Variants in ZNHIT6 observed in about 807,000 individuals in gnomAD.
ZNHIT6 encodes box C/D snoRNA protein 1.
A neutral mutation model predicts 57.2 loss-of-function variants in ZNHIT6; 45 were observed. That is an observed-to-expected ratio of 0.79 (90% confidence interval 0.62 to 1.01). The LOEUF is 1.01. ZNHIT6 is among the 50% of genes least tolerant of loss of function. The pLI, the probability that ZNHIT6 is intolerant of heterozygous loss-of-function variation, is 0.00. For synonymous variants in ZNHIT6, 188 were observed against 190.0 expected (o/e 0.99, Z 0.09); for missense variants, 528 against 567.3 (o/e 0.93, Z 0.70).
At chr1:85,656,387 A>G (rs552265486) in intron 9 of ZNHIT6, among the ~76,000 whole-genome samples, 2 of 152,170 alleles carry the variant, frequency 1.3e-5, no homozygotes, top group Admixed American at 6.5e-5. Context: ...ATTTTACTCA[A>G]TAAGGCTCCC....
intron 7 of ZNHIT6, among the ~76,000 whole-genome samples, chr1:85,677,966 A>T (rs1661754673): frequency 1.3e-5 from 2 of 152,090 alleles, no homozygotes; most frequent in South Asian, 4.1e-4. Context: ...TGTACTAGGA[A>T]TTTCATATAT....
chr1:85,660,866 A>G (rs912850067), intron 8 of ZNHIT6, among the ~76,000 whole-genome samples: 1 of 152,178 alleles, frequency 6.6e-6, no homozygotes, highest in African/African-American at 2.4e-5. Context: ...ATGCAATGAA[A>G]ATCTGGTATG....
At chr1:85,658,087 A>C (rs1043276974) in intron 8 of ZNHIT6, 116 bp from the exon 9 acceptor site, 1 of 638,690 alleles carries the variant, frequency 1.6e-6, no homozygotes. Flanking sequence ...ATGACAATTC[A>C]GTAGTTACTT....
At chr1:85,661,386 A>T (rs975240602) in intron 8 of ZNHIT6, among the ~76,000 whole-genome samples, 1 of 152,226 alleles carries the variant, frequency 6.6e-6, no homozygotes, top group South Asian at 2.1e-4. Context: ...GGGCTAAATG[A>T]TAAAACACAG....
In ZNHIT6 at chr1:85,678,764, G is replaced by T; in HGVS notation, c.1106C>A (p.Thr369Asn). Residue 369 changes from threonine (T) to asparagine (N), a missense_variant, in exon 7 of 10, where the codon ACT becomes AAT. Physicochemically the swap from Thr to Asn is moderately conservative, Grantham distance 65 (BLOSUM62 0). Coordinates refer to ENST00000370574, the MANE Select transcript of ZNHIT6 (RefSeq NM_017953.4). ...YIEKRVPDDK[T>N]INEILKPYID... is the part of the protein sequence containing the mutation. Reference sequence around the variant, plus strand: ...GTAAGGTTTTAGGATTTCATTAATAGTTTTATCATCTGGTACTCTTTACAA... The same window carrying T: ...GTAAGGTTTTAGGATTTCATTAATATTTTTATCATCTGGTACTCTTTACAA... The T allele has an allele frequency of 6.4e-7, 1 of 1,571,398 alleles. No individual in the cohort carries two copies. The highest frequency in any genetic ancestry group is 2.3e-5 in the East Asian group (1 of 43,552).
At chr1:85,694,121 G>T (rs1662293472) in intron 5 of ZNHIT6, among the ~76,000 whole-genome samples, 3 of 152,190 alleles carry the variant, frequency 2.0e-5, no homozygotes, top group Admixed American at 2.0e-4. Flanking sequence ...TGGGGTGATG[G>T]TAATGTTCTA....
At chr1:85,660,439 A>G (rs1661193729) in intron 8 of ZNHIT6, among the ~76,000 whole-genome samples, 1 of 152,138 alleles carries the variant, frequency 6.6e-6, no homozygotes, top group Non-Finnish European at 1.5e-5. Flanking sequence ...TTCTTTTTGT[A>G]ATATTAAATC....
chr1:85,654,097 C>T lies in ZNHIT6; in HGVS notation c.1374G>A (p.Val458=). 8.1e-6 allele frequency: 13 copies of T among 1,610,674 alleles called. No individual in the cohort carries two copies. Among genetic ancestry groups the T allele is most frequent in the Non-Finnish European group, 1.1e-5 (13 of 1,178,822 alleles). Residue 458 remains valine, a splice_region_variant and synonymous_variant, in exon 10 of 10, where the codon GTG becomes GTA. Transcript: ENST00000370574. The stretch of plus-strand genomic sequence containing the variant: ...CAACGTTCTTGGTAGATTCACTCTT[C>T]ACTAGAAAAAAATAAGTAAACATAC... ...SNNDMKVLHQ[V]KSESTKNVGN... is the part of the protein sequence containing the mutation.
intron 5 of ZNHIT6, among the ~76,000 whole-genome samples, chr1:85,690,393 C>A (rs1007797388): frequency 3.9e-5 from 6 of 152,198 alleles, no homozygotes; most frequent in African/African-American, 1.4e-4. Context: ...ACCACCAGAA[C>A]CATCTTTCCC....
chr1:85,685,456 G>A (rs1232980268), intron 5 of ZNHIT6, among the ~76,000 whole-genome samples: 1 of 152,178 alleles, frequency 6.6e-6, no homozygotes, highest in Non-Finnish European at 1.5e-5. Flanking sequence ...TGGCAAGTAT[G>A]AAGGCCATAC....
chr1:85,695,642 C>T (rs1570326249), intron 5 of ZNHIT6, among the ~76,000 whole-genome samples: 1 of 152,250 alleles, frequency 6.6e-6, no homozygotes, highest in South Asian at 2.1e-4. Flanking sequence ...CATGTAATGC[C>T]CTTAAAGAAA....
intron 6 of ZNHIT6, 82 bp downstream of exon 6, chr1:85,680,754 A>G (rs1661849406): frequency 1.9e-6 from 2 of 1,034,422 alleles, no homozygotes; most frequent in Admixed American, 2.1e-5. Context: ...CCATTCTACT[A>G]CTGACATTAA....
At chr1:85,659,962 C>A (rs1364509345) in intron 8 of ZNHIT6, among the ~76,000 whole-genome samples, 1 of 152,142 alleles carries the variant, frequency 6.6e-6, no homozygotes, top group Non-Finnish European at 1.5e-5. Context: ...CACCTTAGTG[C>A]CCACAGATCA....
intron 8 of ZNHIT6, among the ~76,000 whole-genome samples, chr1:85,674,073 T>C (rs1661636882): frequency 6.6e-6 from 1 of 152,212 alleles, no homozygotes; most frequent in Admixed American, 6.5e-5. Flanking sequence ...TCTGACATTA[T>C]TATTGCTGTC....
chr1:85,657,917 C>T lies in ZNHIT6; in HGVS notation c.1302G>A (p.Val434=). Residue 434 remains valine, a synonymous_variant, in exon 9 of 10, where the codon GTG becomes GTA. Coordinates refer to ENST00000370574, the MANE Select transcript of ZNHIT6 (RefSeq NM_017953.4). ...CATGTAATGTTGGATACTCAATGAT[C>T]ACTTTGTTCCTCAAATTGTCTAGGA... ...KSLLDNLRNK[V]IIEYPTLHVV... 1 of 1,596,728 alleles carries T rather than the reference C, an allele frequency of 6.3e-7. No individual in the cohort carries two copies. The highest frequency in any genetic ancestry group is 8.6e-7 in the Non-Finnish European group (1 of 1,167,356).
intron 5 of ZNHIT6, among the ~76,000 whole-genome samples, chr1:85,701,425 GA>G (rs1262937817): frequency 6.6e-6 from 1 of 152,176 alleles, no homozygotes; most frequent in Non-Finnish European, 1.5e-5. Flanking sequence ...GGTATTATCT[GA>G]TAATTTAGTT....
Position 85,651,835 on chromosome 1 carries a change from G to A in ZNHIT6, c.*2223C>T, listed in dbSNP as rs956138098. The A allele has an allele frequency of 2.0e-5, 3 of 152,042 alleles. No homozygotes were observed. The highest frequency in any genetic ancestry group is 7.2e-5 in the African/African-American group (3 of 41,404). 9.4% of individuals were successfully genotyped at this position (152,042 alleles called of 1,614,324 possible). On this transcript the variant is annotated 3_prime_UTR_variant, in exon 10 of 10. Coordinates refer to ENST00000370574, the MANE Select transcript of ZNHIT6 (RefSeq NM_017953.4). Reference sequence around the variant, plus strand: ...GGTCTCAATGCTACAAACATCTAGGGTTTTCAGTTAGTTATTCCAATTTCA... The same window carrying A: ...GGTCTCAATGCTACAAACATCTAGGATTTTCAGTTAGTTATTCCAATTTCA...
In ZNHIT6 at chr1:85,662,432, A is replaced by C. The variant is rs137938295; in HGVS notation, c.1248-4461T>G. 9.4e-3 allele frequency among the ~76,000 whole-genome samples: 1,434 copies of C among 152,264 alleles called. 19 individuals carry two copies. Among genetic ancestry groups the C allele is most frequent in the African/African-American group, 0.033 (1,373 of 41,554 alleles). On this transcript the variant is annotated intron_variant, in intron 8 of 9. Transcript: ENST00000370574. ...AAATTTCTACAATTTTTGATACTTA[A>C]CTATATTTTTTCACAGTTGTATTTA... is the stretch of plus-strand genomic sequence containing the variant.
chr1:85,690,523 G>A (rs915181692), intron 5 of ZNHIT6, among the ~76,000 whole-genome samples: 1 of 152,082 alleles, frequency 6.6e-6, no homozygotes, highest in Non-Finnish European at 1.5e-5. Flanking sequence ...CACTTCCCTC[G>A]AAAGGCTGGG....
Sources: allele counts gnomAD v4.1 joint callset (sites outside exome capture counted in the v4.1 genomes callset), GRCh38; gene constraint gnomAD v4.1.1; transcripts MANE v1.5; gene names NCBI Gene and HGNC (gene_info 2026-07-23, HGNC 2026-07-21).